Variants in KIF1A observed in about 807,000 individuals in gnomAD.
KIF1A encodes kinesin family member 1A, also known as kinesin-like protein KIF1A.
KIF1A carries 46 observed loss-of-function variants against 227.3 expected under a neutral mutation model. The observed-to-expected ratio is 0.20, with a 90% CI of 0.16 to 0.26. KIF1A has a LOEUF of 0.26. KIF1A is among the 10% of genes least tolerant of loss of function. The pLI is 1.00. For synonymous variants in KIF1A, 1,022 were observed against 1,012.8 expected, an observed-to-expected ratio of 1.01 and a Z score of -0.17; for missense variants, 1,683 against 2,485.9, an observed-to-expected ratio of 0.68 and a Z score of 6.87.
Position 240,780,823 on chromosome 2 carries a change from CACAG to C in KIF1A, c.882+1763_882+1766del, listed in dbSNP as rs1378092139. Among the ~76,000 whole-genome samples, 21 of 86,518 alleles carry C rather than the reference CACAG, an allele frequency of 2.4e-4. 1 individual carries two copies. Among genetic ancestry groups the C allele is most frequent in the Non-Finnish European group, 3.9e-4 (18 of 45,834 alleles). The allele number at this position is 86,518 out of a possible 152,430, so 56.8% of individuals were successfully genotyped here. A position where few individuals can be genotyped will look rare whatever the true frequency, so the allele number is the denominator to read the frequency against. ...CCACACACACACACACACACACACA[CACAG>C]CTCCACACACACACACAGCTCCACA... is the stretch of plus-strand genomic sequence containing the variant. On this transcript the variant is annotated intron_variant, in intron 10 of 48. Transcript: ENST00000498729.
chr2:240,750,558 G>A lies in KIF1A; in HGVS notation c.2859-11C>T, dbSNP rs1242225579. The A allele has an allele frequency of 3.1e-6, 5 of 1,601,326 alleles. No individual in the cohort carries two copies. The South Asian group carries it at 5.5e-5, about 18-fold the overall frequency. On this transcript the variant is annotated splice_polypyrimidine_tract_variant and intron_variant, in intron 27 of 48. Transcript: ENST00000498729. The stretch of plus-strand genomic sequence containing the variant: ...AGGTACACGAAGGCCCTGGGGAGAA[G>A]CAGAGGCGGCGGTCATGGGCCACCC...
intron 18 of KIF1A, 41 bp from the exon 19 acceptor site, chr2:240,767,062 A>T: frequency 6.7e-7 from 1 of 1,495,090 alleles, no homozygotes; most frequent in Non-Finnish European, 9.2e-7. Context: ...GCTGGGACCC[A>T]ATACACCCAG....
chr2:240,819,214 G>A (rs994537381), intron 1 of KIF1A, among the ~76,000 whole-genome samples: 1 of 152,180 alleles, frequency 6.6e-6, no homozygotes, highest in Non-Finnish European at 1.5e-5. Flanking sequence ...TCAGCGTGAG[G>A]AGCGGCTTAA....
intron 44 of KIF1A, among the ~76,000 whole-genome samples, chr2:240,721,439 G>A (rs1054367812): frequency 6.6e-6 from 1 of 152,250 alleles, no homozygotes; most frequent in Non-Finnish European, 1.5e-5. Context: ...CCAGGCTACA[G>A]GGGTGGGGTC....
Position 240,750,503 on chromosome 2 carries a change from A to G in KIF1A, c.2903T>C (p.Val968Ala), listed in dbSNP as rs1162550585. Residue 968 changes from valine to alanine, a missense_variant, in exon 28 of 49, where the codon GTA (valine) becomes GCA (alanine). Around this residue, in one of 12 missense-constraint regions of KIF1A, gnomAD observed 759 missense variants for 1,020.2 expected, o/e 0.74. Transcript: ENST00000498729. ...LSNLLYPVPL[V>A]HRVAIVSEKG... is the part of the protein sequence containing the mutation. The stretch of plus-strand genomic sequence containing the variant: ...CTCGCTGACGATTGCCACACGGTGT[A>G]CCAGGGGAACGGGGTACAGCAGGTT... 1 of 1,613,874 alleles carries G rather than the reference A, an allele frequency of 6.2e-7. No individual in the cohort carries two copies. The highest frequency in any genetic ancestry group is 1.1e-5 in the South Asian group (1 of 91,082).
chr2:240,715,908 T>G lies in KIF1A; in HGVS notation c.*1456A>C, dbSNP rs904152498. ...ACGGCGGGAGAGGGGCTCTGTTGCT[T>G]GGCTACTGTCTTTCCTTGAGCTAAA... On this transcript the variant is annotated 3_prime_UTR_variant, in exon 49 of 49. Transcript: ENST00000498729. 3.3e-5 allele frequency: 5 copies of G among 152,306 alleles called. No individual in the cohort carries two copies. The highest frequency in any genetic ancestry group is 4.8e-5 in the African/African-American group (2 of 41,420). 9.4% of individuals were successfully genotyped at this position (152,306 alleles called of 1,614,324 possible).
At chr2:240,787,991 A>G (rs1487176782) in intron 4 of KIF1A, 60 bp downstream of exon 4, 70 of 1,486,686 alleles carry the variant, frequency 4.7e-5, no homozygotes, top group Non-Finnish European at 6.2e-5. Context: ...CGGAGCTCTC[A>G]GCCTCAGCTG....
intron 10 of KIF1A, among the ~76,000 whole-genome samples, 185 bp downstream of exon 10, chr2:240,782,405 C>T (rs575075945): frequency 2.0e-5 from 3 of 152,210 alleles, no homozygotes; most frequent in African/African-American, 7.2e-5. Context: ...CCTCCGTCCC[C>T]GCAGGCACAG....
intron 1 of KIF1A, among the ~76,000 whole-genome samples, chr2:240,817,590 A>G (rs62187846): frequency 0.44 from 66,444 of 152,126 alleles, 15,540 homozygotes; most frequent in Admixed American, 0.6. Context: ...AGGCATGTGC[A>G]GGGCTCAGTA....
At chr2:240,811,485 T>C (rs983097850) in intron 1 of KIF1A, among the ~76,000 whole-genome samples, 18 of 152,142 alleles carry the variant, frequency 1.2e-4, no homozygotes, top group African/African-American at 3.9e-4. Flanking sequence ...GCGTGGCTGA[T>C]GGCAGAAGGC....
chr2:240,762,275 C>T (rs187451414), intron 23 of KIF1A, among the ~76,000 whole-genome samples: 1 of 152,338 alleles, frequency 6.6e-6, no homozygotes. Flanking sequence ...AGCACATGCT[C>T]ACTGAGGGAA....
Position 240,720,978 on chromosome 2 carries a change from T to C in KIF1A, c.4804A>G (p.Thr1602Ala). ...GGGCAAGTGGAGGAGGGGGTGAGAG[T>C]GGCCACCCCTAGAGGGGACATCGAC... Reference protein sequence around the residue: ...DPSMSPLGVATLTPSSTCPSL... With the variant: ...DPSMSPLGVAALTPSSTCPSL... Residue 1602 changes from threonine to alanine, a missense_variant, in exon 45 of 49, where the codon ACT becomes GCT. Around this residue, in one of 12 missense-constraint regions of KIF1A, gnomAD observed 384 missense variants for 410.1 expected, o/e 0.94. Transcript: ENST00000498729. The C allele has an allele frequency of 6.2e-7, 1 of 1,606,972 alleles. No homozygotes were observed. Among genetic ancestry groups the C allele is most frequent in the Non-Finnish European group, 8.5e-7 (1 of 1,177,348 alleles).
chr2:240,756,997 A>G (rs1039620232), intron 27 of KIF1A, among the ~76,000 whole-genome samples: 3 of 152,146 alleles, frequency 2.0e-5, no homozygotes, highest in African/African-American at 7.2e-5. Context: ...CGGGGTTCCT[A>G]CGGCCTCTCT....
rs1347922421 is a variant in KIF1A at position 240,741,271 on chromosome 2, G to A, written c.3747C>T (p.Gly1249=). Residue 1249 remains glycine (G), a splice_region_variant and synonymous_variant, in exon 35 of 49, where the codon GGC becomes GGT. Coordinates refer to ENST00000498729, the MANE Select transcript of KIF1A (RefSeq NM_001244008.2). ...GGGGCCCCAGCACCAGCACTCACTC[G>A]CCGTTGGCCTCCAGCTCACAGATCT... ...YFEICELEAN[G]DYIPAVVDHR... is the part of the protein sequence containing the mutation. The A allele has an allele frequency of 1.9e-6, 3 of 1,584,288 alleles. No individual in the cohort carries two copies. Among genetic ancestry groups the A allele is most frequent in the African/African-American group, 1.3e-5 (1 of 74,492 alleles).
chr2:240,751,490 C>G (rs995070442), intron 27 of KIF1A, among the ~76,000 whole-genome samples: 1 of 152,148 alleles, frequency 6.6e-6, no homozygotes, highest in Admixed American at 6.5e-5. Context: ...CTTGCTCCCT[C>G]CACACCCTAA....
In KIF1A at chr2:240,788,041, C is replaced by CCCG; in HGVS notation, c.363+9_363+10insCGG. The CCCG allele has an allele frequency of 5.3e-6, 8 of 1,520,580 alleles. No individual in the cohort carries two copies. The highest frequency in any genetic ancestry group is 7.1e-6 in the Non-Finnish European group (8 of 1,121,224). 94.2% of individuals were successfully genotyped at this position (1,520,580 alleles called of 1,614,324 possible). On this transcript the variant is annotated intron_variant, in intron 4 of 48. Transcript: ENST00000498729. The surrounding 1 kb of genome is among the most constrained non-coding windows in gnomAD (Gnocchi z 6.6). ...GCCAGGGCTGCCCCCGCCCGCCCCC[C>CCCG]GCTTCGTGCCTGTGGGATGATGCCC...
rs1306768161 is a variant in KIF1A, at chr2:240,775,109, C to T, written c.958+742G>A. 6.6e-6 allele frequency among the ~76,000 whole-genome samples: 1 copy of T among 152,240 alleles called. No individual in the cohort carries two copies. The highest frequency in any genetic ancestry group is 2.4e-5 in the African/African-American group (1 of 41,462). ...TCAGGTGAAGGAACACACTCTCCTC[C>T]TCTCTCAGCGGGGCCCATCCATCCG... On this transcript the variant is annotated intron_variant, in intron 11 of 48. Transcript: ENST00000498729. The surrounding 1 kb of genome is among the most constrained non-coding windows in gnomAD (Gnocchi z 5.5).
At chr2:240,744,135 T>G in intron 32 of KIF1A, 75 bp from the exon 33 acceptor site, 1 of 1,021,632 alleles carries the variant, frequency 9.8e-7, no homozygotes, top group Non-Finnish European at 1.5e-6. Flanking sequence ...GTCACATCAG[T>G]GAGCTAAGCG....
Position 240,788,374 on chromosome 2 carries a change from T to C in KIF1A, c.184-144A>G, listed in dbSNP as rs1042846517. ...GAGGGATGCCTGCCCCCCATCCTACTCCTGCCTTGTGGGGTAGCTTCCTGG... is the reference window on the plus strand; with the variant it reads ...GAGGGATGCCTGCCCCCCATCCTACCCCTGCCTTGTGGGGTAGCTTCCTGG... On this transcript the variant is annotated intron_variant, in intron 3 of 48. Transcript: ENST00000498729. The surrounding 1 kb of genome is among the most constrained non-coding windows in gnomAD (Gnocchi z 6.6). 1 of 723,846 alleles carries C rather than the reference T, an allele frequency of 1.4e-6. No homozygotes were observed. The highest frequency in any genetic ancestry group is 1.8e-5 in the African/African-American group (1 of 56,406). 44.8% of individuals were successfully genotyped at this position (723,846 alleles called of 1,614,324 possible).
Sources: allele counts gnomAD v4.1 joint callset (sites outside exome capture counted in the v4.1 genomes callset), GRCh38; gene constraint gnomAD v4.1.1; regional missense constraint gnomAD v4.1.1; non-coding constraint Gnocchi (gnomAD v3.1); transcripts MANE v1.5; gene names NCBI Gene and HGNC (gene_info 2026-07-23, HGNC 2026-07-21).